NEGR1: variants seen among roughly 807,000 people sequenced by gnomAD.
The protein encoded by NEGR1 is neuronal growth regulator 1.
In NEGR1, 10 loss-of-function variants were observed where a neutral mutation model predicts 40.9. The observed-to-expected ratio is 0.24, with a 90% CI of 0.15 to 0.42. The LOEUF is 0.42. Ranked by LOEUF, NEGR1 falls within the 10% of genes least tolerant of loss-of-function variation. NEGR1 has a pLI of 1.00. For missense variants in NEGR1, 352 were observed against 438.9 expected, an observed-to-expected ratio of 0.80 and a Z score of 1.77; for synonymous variants, 185 against 166.8, an observed-to-expected ratio of 1.11 and a Z score of -0.84.
chr1:71,878,615 G>A (rs1001789736), intron 2 of NEGR1, among the ~76,000 whole-genome samples: 3 of 152,044 alleles, frequency 2.0e-5, no homozygotes, highest in Admixed American at 1.3e-4. Context: ...ATAATAAATA[G>A]CTGGAAATCA....
chr1:72,226,843 C>G (rs1213538023), intron 1 of NEGR1, among the ~76,000 whole-genome samples: 1 of 152,000 alleles, frequency 6.6e-6, no homozygotes, highest in Non-Finnish European at 1.5e-5. Flanking sequence ...TTCCATTACA[C>G]TTCTATTCTG....
intron 3 of NEGR1, among the ~76,000 whole-genome samples, chr1:71,752,174 A>G (rs919548331): frequency 7.9e-5 from 12 of 152,270 alleles, no homozygotes; most frequent in African/African-American, 2.9e-4. Context: ...TAAATAAGAG[A>G]TGGGGTCCTT....
At chr1:72,107,508 T>C (rs1237738098) in intron 1 of NEGR1, among the ~76,000 whole-genome samples, 2 of 151,692 alleles carry the variant, frequency 1.3e-5, no homozygotes, top group Non-Finnish European at 3.0e-5. Flanking sequence ...GATTTCTAAT[T>C]TCATTTCAAA....
intron 6 of NEGR1, among the ~76,000 whole-genome samples, chr1:71,472,955 C>G (rs1646791879): frequency 6.6e-6 from 1 of 151,548 alleles, no homozygotes; most frequent in South Asian, 2.1e-4. Context: ...AACAATGGGA[C>G]AGAAAAAAGT....
chr1:71,710,442 C>T (rs921722198), intron 3 of NEGR1, among the ~76,000 whole-genome samples: 1 of 152,158 alleles, frequency 6.6e-6, no homozygotes, highest in Non-Finnish European at 1.5e-5. Context: ...TGTGGCAGCA[C>T]TGTTTACAGT....
chr1:71,673,165 G>A (rs1421143665), intron 4 of NEGR1, among the ~76,000 whole-genome samples: 4 of 152,076 alleles, frequency 2.6e-5, no homozygotes, highest in Non-Finnish European at 4.4e-5. Context: ...CGTGAATCCA[G>A]GAGGCAGAGC....
intron 1 of NEGR1, among the ~76,000 whole-genome samples, chr1:72,257,040 A>G (rs1029782525): frequency 1.3e-5 from 2 of 152,154 alleles, no homozygotes; most frequent in East Asian, 1.9e-4. Flanking sequence ...AATAGCACAT[A>G]GGCCGGGCGC....
At chr1:72,075,776 C>T (rs1162706680) in intron 1 of NEGR1, among the ~76,000 whole-genome samples, 1 of 152,190 alleles carries the variant, frequency 6.6e-6, no homozygotes, top group Non-Finnish European at 1.5e-5. Flanking sequence ...TATAGAATTT[C>T]TCCTCTACAT....
intron 3 of NEGR1, among the ~76,000 whole-genome samples, chr1:71,730,842 C>T (rs1163823652): frequency 6.7e-6 from 1 of 149,356 alleles, no homozygotes; most frequent in East Asian, 2.0e-4. Context: ...CTACAGTTTT[C>T]ATAGGGACAT....
intron 1 of NEGR1, among the ~76,000 whole-genome samples, chr1:72,041,431 C>CTTTT (rs35706358): frequency 8.1e-6 from 1 of 123,436 alleles, no homozygotes; most frequent in African/African-American, 3.0e-5. Context: ...CTTCTGTAGG[C>CTTTT]TTTTTTTTTT....
chr1:71,400,435 CT>C lies in NEGR1; in HGVS notation c.*7010del, dbSNP rs536128112. 74 of 150,396 alleles carry C rather than the reference CT, an allele frequency of 4.9e-4. No homozygotes were observed. Among genetic ancestry groups the C allele is most frequent in the Middle Eastern group, 3.4e-3 (1 of 292 alleles). 9.3% of individuals were successfully genotyped at this position (150,396 alleles called of 1,614,324 possible). A position where few individuals can be genotyped will look rare whatever the true frequency, so the allele number is the denominator to read the frequency against. On this transcript the variant is annotated 3_prime_UTR_variant, in exon 7 of 7. Coordinates refer to ENST00000357731, the MANE Select transcript of NEGR1 (RefSeq NM_173808.3). Reference sequence around the variant, plus strand: ...CTGTTATACCATGAATTAAATGCCCCTGTGACAAAAAAAAAAAGACTTTTTC... The same window carrying C: ...CTGTTATACCATGAATTAAATGCCCCGTGACAAAAAAAAAAAGACTTTTTC...
chr1:71,738,827 C>T (rs577423529), intron 3 of NEGR1, among the ~76,000 whole-genome samples: 12 of 152,120 alleles, frequency 7.9e-5, no homozygotes, highest in East Asian at 3.9e-4. Flanking sequence ...TAGGGATGCA[C>T]GAGGATCCCT....
chr1:71,575,794 A>AAAAACAAAAAC (rs1553151230), intron 6 of NEGR1, among the ~76,000 whole-genome samples: 2 of 151,178 alleles, frequency 1.3e-5, no homozygotes, highest in Non-Finnish European at 3.0e-5. Flanking sequence ...AAACAAAAAC[A>AAAAACAAAAAC]AAAACAAAAC....
chr1:72,231,334 A>T (rs1380464208), intron 1 of NEGR1, among the ~76,000 whole-genome samples: 1 of 152,100 alleles, frequency 6.6e-6, no homozygotes, highest in African/African-American at 2.4e-5. Context: ...ATTTTGATTA[A>T]GAGGACAAAC....
At chr1:71,792,044 T>C (rs1245973789) in intron 2 of NEGR1, among the ~76,000 whole-genome samples, 1 of 152,138 alleles carries the variant, frequency 6.6e-6, no homozygotes, top group Non-Finnish European at 1.5e-5. Context: ...GAATAAATTA[T>C]AGAGGACTTT....
chr1:72,143,895 T>TTATA (rs531659289), intron 1 of NEGR1, among the ~76,000 whole-genome samples: 1 of 95,836 alleles, frequency 1.0e-5, no homozygotes. Flanking sequence ...TATATATATA[T>TTATA]TATATATATG....
At chr1:71,984,342 G>A (rs879593412) in intron 1 of NEGR1, among the ~76,000 whole-genome samples, 2 of 117,520 alleles carry the variant, frequency 1.7e-5, no homozygotes, top group Non-Finnish European at 3.9e-5. Context: ...TGCCTAGACT[G>A]GTCTCGAACT....
chr1:71,910,204 C>T (rs1377595902), intron 2 of NEGR1, among the ~76,000 whole-genome samples: 3 of 152,014 alleles, frequency 2.0e-5, no homozygotes, highest in Non-Finnish European at 2.9e-5. Flanking sequence ...TAGATGTTGG[C>T]GATAAACTTT....
At chr1:71,987,568 G>T (rs541551191) in intron 1 of NEGR1, among the ~76,000 whole-genome samples, 4 of 152,166 alleles carry the variant, frequency 2.6e-5, no homozygotes, top group Admixed American at 2.6e-4. Flanking sequence ...ACATGAAGGC[G>T]CCTAGTGGTC....
Sources: gnomAD v4.1 joint callset for allele counts (sites outside exome capture counted in the v4.1 genomes callset) on GRCh38, gnomAD v4.1.1 for gene constraint, MANE v1.5 for transcripts, NCBI Gene and HGNC (gene_info 2026-07-23, HGNC 2026-07-21) for gene names.